Variants in SIPA1L1 observed in about 807,000 individuals in gnomAD.
SIPA1L1 encodes signal-induced proliferation-associated 1-like protein 1.
SIPA1L1 carries 26 observed loss-of-function variants against 162.7 expected under a neutral mutation model. The observed-to-expected ratio is 0.16, with a 90% CI of 0.12 to 0.22. SIPA1L1 has a LOEUF of 0.22. Ranked by LOEUF, SIPA1L1 falls within the 10% of genes least tolerant of loss-of-function variation. The pLI, the probability that SIPA1L1 is intolerant of heterozygous loss-of-function variation, is 1.00. For missense variants in SIPA1L1, 1,874 were observed against 2,241.0 expected, an observed-to-expected ratio of 0.84 and a Z score of 3.31; for synonymous variants, 829 against 837.4, an observed-to-expected ratio of 0.99 and a Z score of 0.17.
chr14:71,346,425 C>G (rs1038078416), intron 2 of SIPA1L1, among the ~76,000 whole-genome samples: 1 of 152,038 alleles, frequency 6.6e-6, no homozygotes, highest in East Asian at 1.9e-4. Flanking sequence ...GGGTTTCATC[C>G]TGATGGAAGT....
At chr14:71,720,560 A>T (rs894796957) in intron 17 of SIPA1L1, among the ~76,000 whole-genome samples, 3 of 138,944 alleles carry the variant, frequency 2.2e-5, no homozygotes, top group East Asian at 2.0e-4. Flanking sequence ...GAGACTGTCT[A>T]AAAAAAAAAG....
chr14:71,708,376 G>A (rs1025717160), intron 16 of SIPA1L1, among the ~76,000 whole-genome samples: 1 of 148,468 alleles, frequency 6.7e-6, no homozygotes, highest in Admixed American at 6.8e-5. Flanking sequence ...CTGGAATGCC[G>A]TGCAGTGGCA....
Position 71,370,715 on chromosome 14 carries a change from A to G in SIPA1L1, c.-465+49534A>G, listed in dbSNP as rs1034252387. Among the ~76,000 whole-genome samples the G allele has an allele frequency of 2.6e-5, 4 of 152,176 alleles. No individual in the cohort carries two copies. The South Asian group carries it at 6.2e-4, about 24-fold the overall frequency. ...TAGAAATGGAGAGTCAGAGAGGCCA[A>G]CTTGCGTGCCCAAGGTCAGTTATGA... On this transcript the variant is annotated intron_variant, in intron 2 of 23. Transcript: ENST00000381232.
intron 7 of SIPA1L1, among the ~76,000 whole-genome samples, chr14:71,636,525 T>C (rs903691305): frequency 5.3e-5 from 8 of 152,040 alleles, no homozygotes; most frequent in Admixed American, 5.2e-4. Context: ...ATATGAAACT[T>C]TGTGGGATGC....
At chr14:71,562,031 C>G (rs1478691593) in intron 4 of SIPA1L1, among the ~76,000 whole-genome samples, 1 of 152,002 alleles carries the variant, frequency 6.6e-6, no homozygotes, top group African/African-American at 2.4e-5. Flanking sequence ...ATTTGTTAGC[C>G]ATAGACGTCA....
intron 2 of SIPA1L1, among the ~76,000 whole-genome samples, chr14:71,482,483 A>T (rs964848279): frequency 6.7e-6 from 1 of 150,278 alleles, no homozygotes; most frequent in East Asian, 2.0e-4. Flanking sequence ...TCTTCTGCCA[A>T]TTTTTCCCAA....
At chr14:71,665,060 C>CA (rs1165397434) in intron 10 of SIPA1L1, among the ~76,000 whole-genome samples, 1 of 152,118 alleles carries the variant, frequency 6.6e-6, no homozygotes, top group African/African-American at 2.4e-5. Context: ...AATGCTAGGC[C>CA]ATCAATTCAA....
At chr14:71,587,107 C>T (rs1448879701) in intron 4 of SIPA1L1, among the ~76,000 whole-genome samples, 1 of 152,100 alleles carries the variant, frequency 6.6e-6, no homozygotes, top group Non-Finnish European at 1.5e-5. Flanking sequence ...GTGATTGTTG[C>T]AGCATATTCA....
intron 2 of SIPA1L1, among the ~76,000 whole-genome samples, chr14:71,387,565 T>TAA (rs1254715288): frequency 2.0e-5 from 3 of 152,198 alleles, no homozygotes; most frequent in African/African-American, 7.2e-5. Flanking sequence ...CTGTAGGTGT[T>TAA]TAACACAGGC....
intron 2 of SIPA1L1, among the ~76,000 whole-genome samples, chr14:71,419,602 A>G (rs554283444): frequency 7.7e-4 from 112 of 144,720 alleles, no homozygotes; most frequent in Middle Eastern, 3.9e-3. Flanking sequence ...GGTTCACGCC[A>G]TTCTCCTGCC....
intron 2 of SIPA1L1, among the ~76,000 whole-genome samples, chr14:71,368,160 C>CT (rs957469281): frequency 1.2e-3 from 121 of 100,868 alleles, no homozygotes; most frequent in Middle Eastern, 5.4e-3. Context: ...TTTTTTCTTT[C>CT]TTTTTTTTTT....
At chr14:71,628,919 A>G (rs1325701917) in intron 7 of SIPA1L1, among the ~76,000 whole-genome samples, 4 of 152,214 alleles carry the variant, frequency 2.6e-5, no homozygotes, top group Admixed American at 2.0e-4. Context: ...TGTGAGGCAC[A>G]TGTAAGGGAG....
chr14:71,326,298 T>C (rs535328494), intron 2 of SIPA1L1, among the ~76,000 whole-genome samples: 1 of 151,576 alleles, frequency 6.6e-6, no homozygotes, highest in African/African-American at 2.4e-5. Context: ...AACCTCTGCC[T>C]CCTGGGTTCA....
At chr14:71,582,185 A>G (rs1215111543) in intron 4 of SIPA1L1, among the ~76,000 whole-genome samples, 1 of 152,076 alleles carries the variant, frequency 6.6e-6, no homozygotes, top group African/African-American at 2.4e-5. Flanking sequence ...AATTTTAAAA[A>G]TTAACCAAGC....
chr14:71,348,944 C>T (rs776781937), intron 2 of SIPA1L1, among the ~76,000 whole-genome samples: 21 of 152,182 alleles, frequency 1.4e-4, no homozygotes, highest in African/African-American at 4.6e-4. Context: ...TGGGAAACTT[C>T]GAGAACTGAT....
At chr14:71,630,128 A>G (rs1193848461) in intron 7 of SIPA1L1, among the ~76,000 whole-genome samples, 2 of 152,240 alleles carry the variant, frequency 1.3e-5, no homozygotes, top group Non-Finnish European at 2.9e-5. Context: ...ATCGTCTCTT[A>G]GATTATGATA....
intron 4 of SIPA1L1, among the ~76,000 whole-genome samples, chr14:71,564,209 A>G (rs2057011140): frequency 6.6e-6 from 1 of 152,032 alleles, no homozygotes; most frequent in Non-Finnish European, 1.5e-5. Context: ...TCAGCCTCCC[A>G]ATGTGCTTAG....
chr14:71,350,864 T>C (rs1251208085), intron 2 of SIPA1L1, among the ~76,000 whole-genome samples: 1 of 152,216 alleles, frequency 6.6e-6, no homozygotes, highest in African/African-American at 2.4e-5. Flanking sequence ...ATGAACAAGA[T>C]GGGAAAATGT....
intron 2 of SIPA1L1, among the ~76,000 whole-genome samples, chr14:71,351,792 G>A (rs1422456645): frequency 1.3e-5 from 2 of 151,976 alleles, no homozygotes; most frequent in African/African-American, 4.8e-5. Context: ...ATTAAATTGG[G>A]CAATGCTGTA....
Sources: allele counts gnomAD v4.1 joint callset (sites outside exome capture counted in the v4.1 genomes callset), GRCh38; gene constraint gnomAD v4.1.1; transcripts MANE v1.5; gene names NCBI Gene and HGNC (gene_info 2026-07-23, HGNC 2026-07-21).